The following IL1RAPL2 variants were observed in gnomAD, a reference collection of about 807,000 sequenced individuals.
IL1RAPL2 encodes interleukin 1 receptor accessory protein like 2, also known as X-linked interleukin-1 receptor accessory protein-like 2.
In IL1RAPL2, 3 loss-of-function variants were observed where a neutral mutation model predicts 44.1. That is an observed-to-expected ratio of 0.07 (90% CI 0.03 to 0.18). IL1RAPL2 has a LOEUF of 0.18. Among genes scored for constraint, IL1RAPL2 ranks in the 10% least tolerant of loss-of-function variants. The pLI is 1.00. For synonymous variants in IL1RAPL2, 181 were observed against 178.8 expected (o/e 1.01, Z -0.10); for missense variants, 391 against 496.4 (o/e 0.79, Z 2.02).
chrX:105,716,698 C>T lies in IL1RAPL2; in HGVS notation c.773-669C>T, dbSNP rs768704614. On this transcript the variant is annotated intron_variant, in intron 6 of 10. Transcript: ENST00000372582. ...AAAATAACCATTATAGTTTATATTA[C>T]CTAATTTTTCTTAAAACATGTAAAA... Among the ~76,000 whole-genome samples, 4 of 111,608 alleles carry T rather than the reference C, an allele frequency of 3.6e-5. No homozygotes were observed. In the East Asian group the frequency reaches 1.1e-3, roughly 32 times the overall value.
chrX:104,926,836 T>C (rs901140197), intron 2 of IL1RAPL2, among the ~76,000 whole-genome samples: 1 of 111,500 alleles, frequency 9.0e-6, no homozygotes, highest in African/African-American at 3.3e-5. Context: ...AACTAACAAA[T>C]ACCAATCAAC....
intron 6 of IL1RAPL2, among the ~76,000 whole-genome samples, chrX:105,487,091 C>CAAAAAAAAAAAAAAAAAAAAAA (rs397896906): frequency 2.6e-5 from 1 of 38,339 alleles, no homozygotes; most frequent in Admixed American, 3.4e-4. Flanking sequence ...GACTCCATCT[C>CAAAAAAAAAAAAAAAAAAAAAA]AAAAAAAAAA....
chrX:104,625,009 T>A (rs1477569858), intron 1 of IL1RAPL2, among the ~76,000 whole-genome samples: 2 of 112,250 alleles, frequency 1.8e-5, no homozygotes, highest in Non-Finnish European at 3.8e-5. Flanking sequence ...GAATTGAATA[T>A]TTGAAAATAA....
chrX:104,697,652 G>A (rs1291994203), intron 2 of IL1RAPL2, among the ~76,000 whole-genome samples: 1 of 111,393 alleles, frequency 9.0e-6, no homozygotes, highest in East Asian at 2.8e-4. Flanking sequence ...GCTCTTTGGA[G>A]CTTATAGTCT....
chrX:104,701,086 A>G (rs1369445104), intron 2 of IL1RAPL2, among the ~76,000 whole-genome samples: 1 of 111,430 alleles, frequency 9.0e-6, no homozygotes. Context: ...AACTTCTTAG[A>G]TGTTTGAGAA....
chrX:105,602,943 C>T (rs1298588705), intron 6 of IL1RAPL2, among the ~76,000 whole-genome samples: 1 of 110,433 alleles, frequency 9.1e-6, no homozygotes, highest in Admixed American at 9.6e-5. Context: ...GCTTTAAAGA[C>T]CCCTACATCT....
chrX:105,054,221 G>A (rs1202245746), intron 2 of IL1RAPL2, among the ~76,000 whole-genome samples: 1 of 110,470 alleles, frequency 9.1e-6, no homozygotes, highest in Non-Finnish European at 1.9e-5. Context: ...GCACAGCTTT[G>A]GGATGCGGGA....
chrX:105,617,300 A>G (rs982979074), intron 6 of IL1RAPL2, among the ~76,000 whole-genome samples: 1 of 110,658 alleles, frequency 9.0e-6, no homozygotes, highest in Non-Finnish European at 1.9e-5. Context: ...AATTTTAACG[A>G]GCTACTCAAG....
intron 6 of IL1RAPL2, among the ~76,000 whole-genome samples, chrX:105,716,822 A>C (rs192644532): frequency 8.9e-6 from 1 of 112,395 alleles, no homozygotes; most frequent in Non-Finnish European, 1.9e-5. Flanking sequence ...CTTTTGATTA[A>C]TGTTAGTTTC....
At chrX:105,729,904 GGAAGGAA>G (rs1569469740) in intron 7 of IL1RAPL2, among the ~76,000 whole-genome samples, 33 of 81,546 alleles carry the variant, frequency 4.0e-4, no homozygotes, top group African/African-American at 1.7e-3. Context: ...AAGGAAGGAA[GGAAGGAA>G]GGAAGGAAGG....
chrX:105,100,678 C>A (rs1485628771), intron 2 of IL1RAPL2, among the ~76,000 whole-genome samples: 4 of 111,793 alleles, frequency 3.6e-5, no homozygotes, highest in Non-Finnish European at 7.5e-5. Context: ...ACCTAATTCT[C>A]TGGCAAGGGG....
At chrX:105,729,137 A>C (rs1057266646) in intron 7 of IL1RAPL2, among the ~76,000 whole-genome samples, 1 of 111,366 alleles carries the variant, frequency 9.0e-6, no homozygotes, top group African/African-American at 3.3e-5. Flanking sequence ...CTATTGATTG[A>C]CATATTGGTT....
chrX:104,677,650 G>A (rs1446341626), intron 2 of IL1RAPL2, among the ~76,000 whole-genome samples: 1 of 112,669 alleles, frequency 8.9e-6, no homozygotes, highest in Non-Finnish European at 1.9e-5. Context: ...TGGCTGCTTT[G>A]TTTACCTAAT....
chrX:104,591,314 C>G (rs1928660739), intron 1 of IL1RAPL2, among the ~76,000 whole-genome samples: 1 of 111,155 alleles, frequency 9.0e-6, no homozygotes. Context: ...ACTCCCATAA[C>G]CAACAGAAAG....
At chrX:105,183,552 G>A (rs782782984) in intron 2 of IL1RAPL2, among the ~76,000 whole-genome samples, 4 of 111,691 alleles carry the variant, frequency 3.6e-5, no homozygotes, top group African/African-American at 1.3e-4. Flanking sequence ...TTGTCATCAA[G>A]TCACATGCTA....
At position 104,578,507 on chromosome X, in the gene IL1RAPL2, C is replaced by T. The variant is rs1167248967; in HGVS notation, c.-20+11456C>T. Among the ~76,000 whole-genome samples, 11 of 111,230 alleles carry T rather than the reference C, an allele frequency of 9.9e-5. No homozygotes were observed. The Admixed American group carries it at 1.1e-3, about 11-fold the overall frequency. ...GGGTTCTTTTAATGTTGAATCAGTC[C>T]CAAGGCAGAGATCACGTGCAGAATG... On this transcript the variant is annotated intron_variant, in intron 1 of 10. Coordinates refer to ENST00000372582, the MANE Select transcript of IL1RAPL2 (RefSeq NM_017416.2).
At chrX:104,848,210 G>T (rs1041010133) in intron 2 of IL1RAPL2, among the ~76,000 whole-genome samples, 1 of 108,834 alleles carries the variant, frequency 9.2e-6, no homozygotes, top group African/African-American at 3.3e-5. Context: ...GATTGCCCTG[G>T]CCAGAACTTC....
intron 6 of IL1RAPL2, among the ~76,000 whole-genome samples, chrX:105,661,488 A>G (rs2037719813): frequency 8.9e-6 from 1 of 112,468 alleles, no homozygotes; most frequent in African/African-American, 3.2e-5. Flanking sequence ...TATCTGCAGC[A>G]CATAGACCAT....
rs371809236 is a variant in IL1RAPL2, at chrX:105,219,437, C to G, written c.357-14381C>G. 4.1e-5 allele frequency: 49 copies of G among 1,207,476 alleles called. No homozygotes were observed. The African/African-American group carries it at 6.2e-4, about 15-fold the overall frequency. ...CCCCAATAGGTGTACTTTTCCTGAT[C>G]AGCATCTCCAAGGAGCTGCAGGAGG... On this transcript the variant is annotated intron_variant, in intron 3 of 10. Coordinates refer to ENST00000372582, the MANE Select transcript of IL1RAPL2 (RefSeq NM_017416.2).
Sources: allele counts gnomAD v4.1 joint callset (sites outside exome capture counted in the v4.1 genomes callset), GRCh38; gene constraint gnomAD v4.1.1; transcripts MANE v1.5; gene names NCBI Gene and HGNC (gene_info 2026-07-23, HGNC 2026-07-21).